Variants in GREB1 observed in about 807,000 individuals in gnomAD.
GREB1 encodes growth regulating estrogen receptor binding 1.
GREB1 carries 106 observed loss-of-function variants against 200.7 expected under a neutral mutation model. The ratio of observed to expected loss-of-function variants is 0.53; its 90% CI spans 0.45 to 0.62. GREB1 has a LOEUF of 0.62. Ranked by LOEUF, GREB1 falls within the 20% of genes least tolerant of loss-of-function variation. GREB1 has a pLI of 0.00. For synonymous variants in GREB1, 1,132 were observed against 1,092.4 expected (o/e 1.04, Z -0.72); for missense variants, 2,243 against 2,556.8 (o/e 0.88, Z 2.65).
intron 16 of GREB1, among the ~76,000 whole-genome samples, chr2:11,601,983 G>A (rs893696685): frequency 2.0e-5 from 3 of 152,214 alleles, no homozygotes; most frequent in Non-Finnish European, 4.4e-5. Flanking sequence ...TTTTATGTCT[G>A]TGTGAGTAAA....
intron 26 of GREB1, among the ~76,000 whole-genome samples, chr2:11,631,358 C>G (rs1684859680): frequency 6.6e-6 from 1 of 152,194 alleles, no homozygotes; most frequent in Non-Finnish European, 1.5e-5. Context: ...AAATTAAAGA[C>G]ATACAAGAAT....
intron 22 of GREB1, 41 bp downstream of exon 22, chr2:11,618,960 G>T: frequency 6.9e-7 from 1 of 1,441,432 alleles, no homozygotes; most frequent in Admixed American, 2.7e-5. Flanking sequence ...CCGGACTGGG[G>T]GGGTCCTCAC....
At chr2:11,514,911 G>C (rs1400996541) in intron 1 of GREB1, among the ~76,000 whole-genome samples, 2 of 152,126 alleles carry the variant, frequency 1.3e-5, no homozygotes, top group Non-Finnish European at 2.9e-5. Flanking sequence ...GCTATTAGTT[G>C]AATCCATCCG....
chr2:11,529,000 T>C (rs1444611238), intron 1 of GREB1, among the ~76,000 whole-genome samples: 2 of 152,182 alleles, frequency 1.3e-5, no homozygotes, highest in African/African-American at 4.8e-5. Context: ...TTTATATATA[T>C]TTTTTGCCCA....
chr2:11,638,000 C>G, intron 31 of GREB1, 84 bp downstream of exon 31: 1 of 1,202,020 alleles, frequency 8.3e-7, no homozygotes, highest in Non-Finnish European at 1.2e-6. Context: ...ACTCTGAATC[C>G]TAAGTCCTCA....
At chr2:11,578,725 C>A (rs1266127303) in intron 6 of GREB1, among the ~76,000 whole-genome samples, 1 of 152,174 alleles carries the variant, frequency 6.6e-6, no homozygotes, top group Non-Finnish European at 1.5e-5. Context: ...CAGCATAGAG[C>A]TCTCTATGTA....
At chr2:11,625,539 T>C (rs1278997542) in intron 24 of GREB1, among the ~76,000 whole-genome samples, 1 of 152,220 alleles carries the variant, frequency 6.6e-6, no homozygotes, top group East Asian at 1.9e-4. Flanking sequence ...ACGACACCCT[T>C]GCTGATTTGT....
intron 3 of GREB1, among the ~76,000 whole-genome samples, chr2:11,563,597 G>A (rs1393571713): frequency 2.0e-5 from 3 of 152,222 alleles, no homozygotes; most frequent in Non-Finnish European, 4.4e-5. Context: ...GAACGTGCAG[G>A]CCATGCTGCT....
At chr2:11,544,893 C>T (rs747182408) in intron 1 of GREB1, among the ~76,000 whole-genome samples, 7 of 152,234 alleles carry the variant, frequency 4.6e-5, no homozygotes, top group Admixed American at 1.3e-4. Flanking sequence ...CAGCTCACTG[C>T]AACCTCTGCC....
At chr2:11,584,873 G>A (rs1012316543) in intron 7 of GREB1, 5 of 264,018 alleles carry the variant, frequency 1.9e-5, no homozygotes, top group Admixed American at 1.1e-4. Flanking sequence ...GCGCTATGCC[G>A]ATCGGGTGTC....
chr2:11,607,448 GTGTGTGTGTGTGTATA>G (rs374135433), intron 17 of GREB1, among the ~76,000 whole-genome samples: 9,738 of 117,380 alleles, frequency 0.083, 462 homozygotes, highest in Non-Finnish European at 0.13. Flanking sequence ...GTGTGTGTGT[GTGTGTGTGTGTGTATA>G]TATATATACA....
chr2:11,527,374 A>G (rs1396099530), intron 1 of GREB1, among the ~76,000 whole-genome samples: 1 of 152,268 alleles, frequency 6.6e-6, no homozygotes, highest in Non-Finnish European at 1.5e-5. Context: ...TAAATGATAC[A>G]GTGGACTTAA....
chr2:11,566,374 G>T (rs1353030230), intron 3 of GREB1, 106 bp from the exon 4 acceptor site: 10 of 1,085,674 alleles, frequency 9.2e-6, no homozygotes, highest in Non-Finnish European at 1.3e-5. Context: ...ACACCCAGGG[G>T]TAAGGGTTTC....
chr2:11,612,881 G>A (rs1242825390), intron 19 of GREB1, among the ~76,000 whole-genome samples: 1 of 152,224 alleles, frequency 6.6e-6, no homozygotes, highest in Non-Finnish European at 1.5e-5. Flanking sequence ...CTCTGCAGGT[G>A]GAGTCAGGAT....
At chr2:11,574,674 T>A (rs1036427272) in intron 4 of GREB1, among the ~76,000 whole-genome samples, 1 of 152,202 alleles carries the variant, frequency 6.6e-6, no homozygotes. Context: ...TCTGTACCTA[T>A]GGATTTGAAC....
At chr2:11,595,461 C>T in intron 12 of GREB1, 82 bp downstream of exon 12, 4 of 1,441,102 alleles carry the variant, frequency 2.8e-6, no homozygotes, top group Non-Finnish European at 3.8e-6. Context: ...TCTGCCTCAC[C>T]CTGCCTGTGA....
rs1467624387 is a variant in GREB1 at position 11,612,248 on chromosome 2, G to A, written c.3007-247G>A. 1.5e-5 allele frequency: 15 copies of A among 994,064 alleles called. No homozygotes were observed. The Admixed American group carries it at 1.8e-4, about 12-fold the overall frequency. The allele number at this position is 994,064 out of a possible 1,614,324, so 61.6% of individuals were successfully genotyped here. ...GCTGACAACATAGACTTCCTTTCAC[G>A]GAGCTGGTCAGCTGATAGAGATGTC... On this transcript the variant is annotated intron_variant, in intron 18 of 32. Transcript: ENST00000381486.
upstream of GREB1, among the ~76,000 whole-genome samples, chr2:11,530,353 C>T (rs185219101): frequency 1.5e-4 from 23 of 151,430 alleles, no homozygotes; most frequent in East Asian, 1.4e-3. Flanking sequence ...TGATCCAGTG[C>T]GCCCGGCCCT....
chr2:11,612,632 C>G (rs571219936), intron 19 of GREB1, 22 bp downstream of exon 19: 42 of 1,491,400 alleles, frequency 2.8e-5, no homozygotes, highest in Non-Finnish European at 3.8e-5. Flanking sequence ...GGTTATGCCC[C>G]TGGGGGTCTC....
Sources: gnomAD v4.1 joint callset for allele counts (sites outside exome capture counted in the v4.1 genomes callset) on GRCh38, gnomAD v4.1.1 for gene constraint, MANE v1.5 for transcripts, NCBI Gene and HGNC (gene_info 2026-07-23, HGNC 2026-07-21) for gene names.